POLQ: variants seen among roughly 807,000 people sequenced by gnomAD.
POLQ encodes the protein DNA polymerase theta.
POLQ carries 233 observed loss-of-function variants against 259.2 expected under a neutral mutation model. The ratio of observed to expected loss-of-function variants is 0.90; its 90% CI spans 0.81 to 1.00. POLQ has a LOEUF of 1.00. Among genes scored for constraint, POLQ ranks in the 50% least tolerant of loss-of-function variants. The pLI is 0.00. For synonymous variants in POLQ, 1,025 were observed against 1,048.8 expected (o/e 0.98, Z 0.44); for missense variants, 2,871 against 3,051.6 (o/e 0.94, Z 1.39).
Position 121,489,771 on chromosome 3 carries a change from T to C in POLQ, c.3160A>G (p.Ser1054Gly). 6.2e-7 allele frequency: 1 copy of C among 1,612,570 alleles called. No homozygotes were observed. Among genetic ancestry groups the C allele is most frequent in the Non-Finnish European group, 8.5e-7 (1 of 1,179,794 alleles). Residue 1054 changes from serine to glycine, a missense_variant, in exon 16 of 30, where the codon AGC (serine) becomes GGC (glycine). Transcript: ENST00000264233. ...GCTCCAGAGTCTTTCAGGGGGCTGC[T>C]GTCCCTAGATCGCTTTAGATGCTTT... ...RRKHLKRSRDSSPLKDSGACR... is the reference protein window; with the variant it reads ...RRKHLKRSRDGSPLKDSGACR...
At chr3:121,476,935 T>C (rs150963831) in intron 19 of POLQ, among the ~76,000 whole-genome samples, 1 of 152,294 alleles carries the variant, frequency 6.6e-6, no homozygotes, top group East Asian at 1.9e-4. Flanking sequence ...TGGACAACTA[T>C]CCTTGTCTCT....
intron 7 of POLQ, among the ~76,000 whole-genome samples, chr3:121,527,545 CA>C (rs1212135815): frequency 6.6e-6 from 1 of 152,222 alleles, no homozygotes; most frequent in African/African-American, 2.4e-5. Context: ...ACTGCATTTT[CA>C]AAATCAGATG....
chr3:121,475,259 G>A (rs567469246), intron 20 of POLQ, among the ~76,000 whole-genome samples: 85 of 152,114 alleles, frequency 5.6e-4, no homozygotes, highest in Middle Eastern at 3.4e-3. Flanking sequence ...TTTCCACTTC[G>A]AGGAGTTCAA....
At chr3:121,467,427 G>T in intron 24 of POLQ, 92 bp downstream of exon 24, 2 of 1,247,176 alleles carry the variant, frequency 1.6e-6, no homozygotes, top group Non-Finnish European at 2.3e-6. Context: ...ACCAATGCAT[G>T]CTCTAAGTCT....
chr3:121,492,923 A>T (rs550320943), intron 15 of POLQ, among the ~76,000 whole-genome samples: 1 of 151,574 alleles, frequency 6.6e-6, no homozygotes, highest in Admixed American at 6.6e-5. Context: ...GGATTACAGG[A>T]GTGAGTCACT....
In POLQ at chr3:121,488,377, T is replaced by A. The variant is rs768037876; in HGVS notation, c.4554A>T (p.Thr1518=). The A allele has an allele frequency of 1.9e-6, 3 of 1,612,978 alleles. No homozygotes were observed. In the Admixed American group the frequency reaches 5.0e-5, roughly 27 times the overall value. Residue 1518 remains threonine, a synonymous_variant, in exon 16 of 30, where the codon ACA becomes ACT. Coordinates refer to ENST00000264233, the MANE Select transcript of POLQ (RefSeq NM_199420.4). ...ACAGAGAATCACTAAAATGGTTTGA[T>A]GTTACTTCTGAAGGAAGGGGTTCTT... The part of the protein sequence containing the change: ...QMKEPLPSEV[T]SNHFSDSLCL...
chr3:121,434,708 C>A (rs1252132298), intron 28 of POLQ, among the ~76,000 whole-genome samples: 1 of 152,160 alleles, frequency 6.6e-6, no homozygotes, highest in Non-Finnish European at 1.5e-5. Flanking sequence ...TTATAACTGG[C>A]TGTATTATTC....
chr3:121,516,239 A>G (rs2048293492), intron 9 of POLQ, among the ~76,000 whole-genome samples: 1 of 152,180 alleles, frequency 6.6e-6, no homozygotes, highest in Non-Finnish European at 1.5e-5. Flanking sequence ...TGTGCCTCAA[A>G]AATATATACA....
chr3:121,477,141 T>C (rs917945087), intron 19 of POLQ, among the ~76,000 whole-genome samples: 4 of 152,204 alleles, frequency 2.6e-5, no homozygotes, highest in African/African-American at 7.2e-5. Flanking sequence ...TACCTGACTT[T>C]ACGTGACAGG....
At chr3:121,514,712 A>G (rs544705389) in intron 9 of POLQ, among the ~76,000 whole-genome samples, 1 of 151,970 alleles carries the variant, frequency 6.6e-6, no homozygotes, top group South Asian at 2.1e-4. Flanking sequence ...GCTCACGGCA[A>G]CCAGCATGCA....
intron 7 of POLQ, among the ~76,000 whole-genome samples, chr3:121,527,469 T>G (rs2048381434): frequency 6.6e-6 from 1 of 152,220 alleles, no homozygotes; most frequent in African/African-American, 2.4e-5. Context: ...AGTGCTGGAA[T>G]TATTGACATA....
intron 20 of POLQ, among the ~76,000 whole-genome samples, chr3:121,475,481 G>GA (rs1367470385): frequency 3.3e-5 from 5 of 151,510 alleles, no homozygotes; most frequent in Admixed American, 3.3e-4. Context: ...CAGTATAGGA[G>GA]AAAAAAAACC....
chr3:121,483,239 T>G, intron 18 of POLQ, 147 bp downstream of exon 18: 1 of 449,286 alleles, frequency 2.2e-6, no homozygotes, highest in South Asian at 7.4e-5. Context: ...TATTCTATTC[T>G]GGGTAGATGA....
chr3:121,539,677 G>T, intron 3 of POLQ, 88 bp from the exon 4 acceptor site: 2 of 948,150 alleles, frequency 2.1e-6, no homozygotes, highest in Non-Finnish European at 1.7e-6. Flanking sequence ...ATAGACATAA[G>T]TATCTAAAGA....
intron 9 of POLQ, among the ~76,000 whole-genome samples, chr3:121,519,385 T>TATGA (rs56362427): frequency 6.9e-6 from 1 of 144,404 alleles, no homozygotes; most frequent in Non-Finnish European, 1.5e-5. Context: ...TATATATATA[T>TATGA]GAAAATTATG....
chr3:121,502,519 G>GA (rs1456679704), intron 12 of POLQ, among the ~76,000 whole-genome samples: 2 of 152,052 alleles, frequency 1.3e-5, no homozygotes, highest in East Asian at 1.9e-4. Flanking sequence ...GCATATAATT[G>GA]AATTGTTGGG....
At chr3:121,497,544 C>T (rs1039129223) in intron 13 of POLQ, among the ~76,000 whole-genome samples, 1 of 152,110 alleles carries the variant, frequency 6.6e-6, no homozygotes, top group Non-Finnish European at 1.5e-5. Context: ...TCAAGCAATT[C>T]CCCCACCTCA....
At chr3:121,439,085 A>G (rs2047566841) in intron 27 of POLQ, among the ~76,000 whole-genome samples, 1 of 152,236 alleles carries the variant, frequency 6.6e-6, no homozygotes. Flanking sequence ...ACTTAGGTAC[A>G]CAGAATACTT....
In POLQ at chr3:121,488,592, G is replaced by A. The variant is rs1289621929; in HGVS notation, c.4339C>T (p.Gln1447Ter). 6.2e-7 allele frequency: 1 copy of A among 1,607,784 alleles called. No homozygotes were observed. The highest frequency in any genetic ancestry group is 1.3e-5 in the African/African-American group (1 of 74,428). The change falls in exon 16 of 30, where the codon CAA becomes TAA. Residue 1447 changes from glutamine (Q) to a stop codon, truncating the protein, a stop_gained. Coordinates refer to ENST00000264233, the MANE Select transcript of POLQ (RefSeq NM_199420.4). LOFTEE classifies it high-confidence loss of function. ...VTDSQLNSFL[Q>*]GYQTQETVKP... ...ACAGTTTCTTGTGTTTGATAACCTT[G>A]AAGAAAACTATTTAATTGTGAATCA...
Sources: gnomAD v4.1 joint callset for allele counts (sites outside exome capture counted in the v4.1 genomes callset) on GRCh38, gnomAD v4.1.1 for gene constraint, MANE v1.5 for transcripts, NCBI Gene and HGNC (gene_info 2026-07-23, HGNC 2026-07-21) for gene names.